Variants in MFSD2A observed in about 807,000 individuals in gnomAD.
MFSD2A encodes sodium-dependent lysophosphatidylcholine symporter 1.
MFSD2A carries 27 observed loss-of-function variants against 64.7 expected under a neutral mutation model. That is an observed-to-expected ratio of 0.42 (90% confidence interval 0.31 to 0.58). The LOEUF (loss-of-function observed/expected upper bound fraction) is 0.58, where lower values mean the gene tolerates loss of function less well. Ranked by LOEUF, MFSD2A falls within the 20% of genes least tolerant of loss-of-function variation. The probability of loss-of-function intolerance (pLI) is 0.18; values close to 1 mark genes in which losing one functional copy is unlikely to be tolerated. For synonymous variants in MFSD2A, 258 were observed against 273.4 expected, an observed-to-expected ratio of 0.94 and a Z score of 0.55; for missense variants, 474 against 679.5, an observed-to-expected ratio of 0.70 and a Z score of 3.36.
rs1164242420 is a variant in MFSD2A at position 39,969,497 on chromosome 1, T to C, written c.1530-8T>C. ...CTTCCTCCAACCCATCTCCTCTCTC[T>C]CTTGCAGGGACGAGGCCAGCAGCTC... is the stretch of plus-strand genomic sequence containing the variant. On this transcript the variant is annotated splice_region_variant and splice_polypyrimidine_tract_variant and intron_variant, in intron 13 of 13. Transcript: ENST00000372811. 3 of 1,597,730 alleles carry C rather than the reference T, an allele frequency of 1.9e-6. No individual in the cohort carries two copies. The highest frequency in any genetic ancestry group is 1.1e-5 in the South Asian group (1 of 89,232).
In MFSD2A at chr1:39,964,855, C is replaced by T. The variant is rs1443662453; in HGVS notation, c.354-356C>T. Reference sequence around the variant, plus strand: ...GTTGATGACTATCCGTGTGAGAACACGGGAGTTGGGGCTGCTCCTTCTCTT... The same window carrying T: ...GTTGATGACTATCCGTGTGAGAACATGGGAGTTGGGGCTGCTCCTTCTCTT... On this transcript the variant is annotated intron_variant, in intron 3 of 13. Transcript: ENST00000372811. This position sits in a 1 kb window ranked among gnomAD's most constrained non-coding sequence, Gnocchi z 4.1. 2.3e-5 allele frequency: 7 copies of T among 304,954 alleles called. No homozygotes were observed. The highest frequency in any genetic ancestry group is 8.5e-5 in the African/African-American group (4 of 46,880). 18.9% of individuals were successfully genotyped at this position (304,954 alleles called of 1,614,324 possible).
At position 39,967,851 on chromosome 1, in the gene MFSD2A, C is replaced by T. The variant is rs1410502088; in HGVS notation, c.1143C>T (p.Leu381=). Residue 381 remains leucine (L), a synonymous_variant, in exon 11 of 14, where the codon CTC becomes CTT. Coordinates refer to ENST00000372811, the MANE Select transcript of MFSD2A (RefSeq NM_032793.5). ...TGGTGGCCCTCATGGAGAGTAACCT[C>T]ATCATTACATATGCGGTAGCTGTGG... ...LILVALMESN[L]IITYAVAVAA... 1.2e-6 allele frequency: 2 copies of T among 1,613,936 alleles called. No individual in the cohort carries two copies. Among genetic ancestry groups the T allele is most frequent in the East Asian group, 2.2e-5 (1 of 44,884 alleles).
At chr1:39,966,093 AG>A (rs1645155544) in intron 6 of MFSD2A, 79 bp downstream of exon 6, 18 of 1,494,188 alleles carry the variant, frequency 1.2e-5, no homozygotes, top group Non-Finnish European at 1.6e-5. Context: ...AGATAGTAAC[AG>A]CTAGTGTTTA....
chr1:39,966,118 G>T, intron 6 of MFSD2A, 104 bp downstream of exon 6: 1 of 1,358,342 alleles, frequency 7.4e-7, no homozygotes, highest in Non-Finnish European at 1.0e-6. Context: ...AATAAATGTT[G>T]GGCATTTGAT....
In MFSD2A at chr1:39,968,263, G is replaced by C; in HGVS notation, c.1209-71G>C. The C allele has an allele frequency of 6.3e-7, 1 of 1,596,800 alleles. No homozygotes were observed. Among genetic ancestry groups the C allele is most frequent in the Non-Finnish European group, 8.6e-7 (1 of 1,166,986 alleles). On this transcript the variant is annotated intron_variant, in intron 11 of 13. Transcript: ENST00000372811. The surrounding 1 kb of genome is among the most constrained non-coding windows in gnomAD (Gnocchi z 4.4). ...CCATGGTACTGCAAGCTTCCAGAGGGCCACCTCTTCTCATTAACACAGAGG... is the reference window on the plus strand; with the variant it reads ...CCATGGTACTGCAAGCTTCCAGAGGCCCACCTCTTCTCATTAACACAGAGG...
chr1:39,958,592 T>A lies in MFSD2A; in HGVS notation c.229-109T>A. The A allele has an allele frequency of 6.3e-7, 1 of 1,581,354 alleles. No individual in the cohort carries two copies. The highest frequency in any genetic ancestry group is 1.7e-5 in the Admixed American group (1 of 59,722). Reference sequence around the variant, plus strand: ...AGGTCCATGTGGGAGCAGCTCAGGGTCACAAGATCCTGGCTGAGATAGGGA... The same window carrying A: ...AGGTCCATGTGGGAGCAGCTCAGGGACACAAGATCCTGGCTGAGATAGGGA... On this transcript the variant is annotated intron_variant, in intron 2 of 13. Coordinates refer to ENST00000372811, the MANE Select transcript of MFSD2A (RefSeq NM_032793.5). The surrounding 1 kb of genome is among the most constrained non-coding windows in gnomAD (Gnocchi z 4.7).
At chr1:39,956,876 A>G (rs1208491962) in intron 1 of MFSD2A, among the ~76,000 whole-genome samples, 3 of 130,422 alleles carry the variant, frequency 2.3e-5, no homozygotes, top group African/African-American at 8.9e-5. Flanking sequence ...AGATGGCACC[A>G]CTGCACTCCA....
At chr1:39,962,576 G>T (rs567655731) in intron 3 of MFSD2A, 8 of 652,424 alleles carry the variant, frequency 1.2e-5, no homozygotes, top group African/African-American at 7.3e-5. Context: ...CAGCGGGGGG[G>T]CCTGGAGGCC....
Position 39,965,949 on chromosome 1 carries a change from A to T in MFSD2A, c.649A>T (p.Asn217Tyr). The change falls in exon 6 of 14, where the codon AAT (asparagine) becomes TAT (tyrosine). Residue 217 changes from asparagine to tyrosine, a missense_variant. Asn to Tyr is a moderately radical substitution (Grantham distance 143, BLOSUM62 -2). Coordinates refer to ENST00000372811, the MANE Select transcript of MFSD2A (RefSeq NM_032793.5). The surrounding 1 kb of genome is among the most constrained non-coding windows in gnomAD (Gnocchi z 5.5). The stretch of plus-strand genomic sequence containing the variant: ...AGACACGCCTTGTTTCCAGGACCTC[A>T]ATAGCTCTACAGTAGCTTCACAAAG... ...QADTPCFQDLNSSTVASQSAN... is the reference protein window; with the variant it reads ...QADTPCFQDLYSSTVASQSAN... 6.2e-7 allele frequency: 1 copy of T among 1,614,188 alleles called. No individual in the cohort carries two copies. The highest frequency in any genetic ancestry group is 8.5e-7 in the Non-Finnish European group (1 of 1,180,038).
At position 39,963,270 on chromosome 1, in the gene MFSD2A, G is replaced by A. The variant is rs1202299685; in HGVS notation, c.354-1941G>A. The A allele has an allele frequency of 4.2e-6, 6 of 1,435,706 alleles. No individual in the cohort carries two copies. Among genetic ancestry groups the A allele is most frequent in the South Asian group, 1.1e-5 (1 of 87,132 alleles). 88.9% of individuals were successfully genotyped at this position (1,435,706 alleles called of 1,614,324 possible). A position where few individuals can be genotyped will look rare whatever the true frequency, so the allele number is the denominator to read the frequency against. On this transcript the variant is annotated intron_variant, in intron 3 of 13. Transcript: ENST00000372811. This position sits in a 1 kb window ranked among gnomAD's most constrained non-coding sequence, Gnocchi z 4.2. ...GGGCAGCTTTGCCAAGGGCACCTTT[G>A]ATGCCATCTCTAAGACCTACAGCTA... is the stretch of plus-strand genomic sequence containing the variant.
At chr1:39,962,798 C>T in intron 3 of MFSD2A, 1 of 1,176,948 alleles carries the variant, frequency 8.5e-7, no homozygotes, top group Non-Finnish European at 1.2e-6. Flanking sequence ...TCTATCTCTT[C>T]TCTCTGCCCA....
At chr1:39,956,946 G>C (rs977628758) in intron 1 of MFSD2A, 141 bp from the exon 2 acceptor site, 1 of 356,164 alleles carries the variant, frequency 2.8e-6, no homozygotes, top group Non-Finnish European at 5.3e-6. Flanking sequence ...AAAAAAAAAA[G>C]GTGGGATCTC....
rs1290711026 is a variant in MFSD2A, at chr1:39,958,196, G to T, written c.229-505G>T. 6.6e-6 allele frequency among the ~76,000 whole-genome samples: 1 copy of T among 151,908 alleles called. No homozygotes were observed. Among genetic ancestry groups the T allele is most frequent in the Non-Finnish European group, 1.5e-5 (1 of 67,980 alleles). ...TGGGGGGTTTTGGGGCGGGGAGGGG[G>T]ATAACTTGAGTGGGTAGTGACAAGT... is the stretch of plus-strand genomic sequence containing the variant. On this transcript the variant is annotated intron_variant, in intron 2 of 13. Transcript: ENST00000372811. The surrounding 1 kb of genome is among the most constrained non-coding windows in gnomAD (Gnocchi z 4.7).
In MFSD2A at chr1:39,955,356, C is replaced by A; in HGVS notation, c.64C>A (p.Gln22Lys). 1 of 1,493,510 alleles carries A rather than the reference C, an allele frequency of 6.7e-7. No homozygotes were observed. The allele number at this position is 1,493,510 out of a possible 1,614,324, so 92.5% of individuals were successfully genotyped here. The change falls in exon 1 of 14, where the codon CAA (glutamine) becomes AAA (lysine). Residue 22 changes from glutamine (Q) to lysine (K), a missense_variant. Transcript: ENST00000372811. The surrounding 1 kb of genome is among the most constrained non-coding windows in gnomAD (Gnocchi z 5.9). ...GGGGCTGCTACCCACCAGCATCCTC[C>A]AAAGCACTGAACGCCCGGCCCAGGT... Reference protein sequence around the residue: ...AAGLLPTSILQSTERPAQVKK... With the variant: ...AAGLLPTSILKSTERPAQVKK...
Position 39,963,030 on chromosome 1 carries a change from A to G in MFSD2A, c.354-2181A>G. 1 of 1,466,214 alleles carries G rather than the reference A, an allele frequency of 6.8e-7. No homozygotes were observed. Among genetic ancestry groups the G allele is most frequent in the Non-Finnish European group, 9.3e-7 (1 of 1,070,842 alleles). The allele number at this position is 1,466,214 out of a possible 1,614,324, so 90.8% of individuals were successfully genotyped here. A position where few individuals can be genotyped will look rare whatever the true frequency, so the allele number is the denominator to read the frequency against. On this transcript the variant is annotated intron_variant, in intron 3 of 13. Transcript: ENST00000372811. The surrounding 1 kb of genome is among the most constrained non-coding windows in gnomAD (Gnocchi z 4.2). The stretch of plus-strand genomic sequence containing the variant: ...GGCCATCATCCTGGCCAAGCTCTCC[A>G]TTGTCCCCGTGCGCAGAGGCTACTG...
In MFSD2A at chr1:39,955,683, T is replaced by C. The variant is rs1386657330; in HGVS notation, c.93+298T>C. The C allele has an allele frequency of 1.6e-6, 1 of 620,204 alleles. No individual in the cohort carries two copies. Among genetic ancestry groups the C allele is most frequent in the Non-Finnish European group, 3.0e-6 (1 of 332,438 alleles). The allele number at this position is 620,204 out of a possible 1,614,324, so 38.4% of individuals were successfully genotyped here. ...TTTCCATTCTTCCGTGTTGAGCGGC[T>C]GGGGCTTGCCGCCCCAAACCCCAGA... On this transcript the variant is annotated intron_variant, in intron 1 of 13. Transcript: ENST00000372811. This position sits in a 1 kb window ranked among gnomAD's most constrained non-coding sequence, Gnocchi z 5.9.
In MFSD2A at chr1:39,955,481, T is replaced by C. The variant is rs1557626703; in HGVS notation, c.93+96T>C. The C allele has an allele frequency of 4.7e-6, 6 of 1,268,590 alleles. No individual in the cohort carries two copies. Among genetic ancestry groups the C allele is most frequent in the Admixed American group, 2.0e-5 (1 of 49,846 alleles). 78.6% of individuals were successfully genotyped at this position (1,268,590 alleles called of 1,614,324 possible). A position where few individuals can be genotyped will look rare whatever the true frequency, so the allele number is the denominator to read the frequency against. ...CGGGGTCGGCCTGGTCAGGGGACCA[T>C]TGGGATAGCCAGGGACAGGAAGCCT... On this transcript the variant is annotated intron_variant, in intron 1 of 13. Transcript: ENST00000372811. This position sits in a 1 kb window ranked among gnomAD's most constrained non-coding sequence, Gnocchi z 5.9.
chr1:39,962,646 C>T (rs1467958299), intron 3 of MFSD2A: 13 of 842,042 alleles, frequency 1.5e-5, no homozygotes, highest in South Asian at 4.3e-5. Flanking sequence ...CAGTGGCATC[C>T]GGGGCCGGGG....
Position 39,955,450 on chromosome 1 carries a change from G to A in MFSD2A, c.93+65G>A. On this transcript the variant is annotated intron_variant, in intron 1 of 13. Transcript: ENST00000372811. The surrounding 1 kb of genome is among the most constrained non-coding windows in gnomAD (Gnocchi z 5.9). ...AGGAGGCGGAAATGGGGGATCAGGG[G>A]CGTCCCGGGGTCGGCCTGGTCAGGG... 2 of 1,475,294 alleles carry A rather than the reference G, an allele frequency of 1.4e-6. No homozygotes were observed. The highest frequency in any genetic ancestry group is 1.8e-6 in the Non-Finnish European group (2 of 1,092,104). 91.4% of individuals were successfully genotyped at this position (1,475,294 alleles called of 1,614,324 possible).
Sources: allele counts gnomAD v4.1 joint callset (sites outside exome capture counted in the v4.1 genomes callset), GRCh38; gene constraint gnomAD v4.1.1; non-coding constraint Gnocchi (gnomAD v3.1); transcripts MANE v1.5; gene names NCBI Gene and HGNC (gene_info 2026-07-23, HGNC 2026-07-21).